The following SH3RF1 variants were observed in gnomAD, a reference collection of about 807,000 sequenced individuals.
SH3RF1 encodes SH3 domain containing ring finger 1.
Under a neutral mutation model 74.0 loss-of-function variants are expected in SH3RF1, and 32 were observed. That is an observed-to-expected ratio of 0.43 (90% CI 0.33 to 0.58). The LOEUF (loss-of-function observed/expected upper bound fraction) is 0.58. Among genes scored for constraint, SH3RF1 ranks in the 20% least tolerant of loss-of-function variants. The pLI is 0.05. For missense variants in SH3RF1, 954 were observed against 1,130.9 expected (o/e 0.84, Z 2.24); for synonymous variants, 396 against 439.6 (o/e 0.90, Z 1.24).
intron 6 of SH3RF1, among the ~76,000 whole-genome samples, chr4:169,123,617 C>A (rs1336169523): frequency 6.6e-6 from 1 of 152,136 alleles, no homozygotes; most frequent in Non-Finnish European, 1.5e-5. Context: ...AGCTCGCAGG[C>A]GCAGTGGCTC....
rs1047796553 is a variant in SH3RF1 at position 169,115,388 on chromosome 4, G to A, written c.2139+881C>T. 3.3e-5 allele frequency among the ~76,000 whole-genome samples: 5 copies of A among 152,172 alleles called. No individual in the cohort carries two copies. The South Asian group carries it at 6.2e-4, about 19-fold the overall frequency. On this transcript the variant is annotated intron_variant, in intron 10 of 11. Coordinates refer to ENST00000284637, the MANE Select transcript of SH3RF1 (RefSeq NM_020870.4). Reference sequence around the variant, plus strand: ...CCCCATCACTTGCATTACTGCCTGAGCTCCGCCTCCTGTCAGATCAGCAGG... The same window carrying A: ...CCCCATCACTTGCATTACTGCCTGAACTCCGCCTCCTGTCAGATCAGCAGG...
chr4:169,253,469 T>C (rs1261731244), intron 2 of SH3RF1, among the ~76,000 whole-genome samples: 2 of 152,256 alleles, frequency 1.3e-5, no homozygotes, highest in East Asian at 3.8e-4. Context: ...CACAGCTGGC[T>C]GGCTTATGAT....
chr4:169,214,534 T>C (rs1251996172), intron 2 of SH3RF1, among the ~76,000 whole-genome samples: 1 of 152,254 alleles, frequency 6.6e-6, no homozygotes, highest in African/African-American at 2.4e-5. Flanking sequence ...AACTGACATC[T>C]TGACAATATT....
intron 10 of SH3RF1, among the ~76,000 whole-genome samples, chr4:169,108,168 C>T (rs1733179291): frequency 6.6e-6 from 1 of 152,174 alleles, no homozygotes; most frequent in Non-Finnish European, 1.5e-5. Context: ...ATGTCAACTA[C>T]ATCATTAAGT....
chr4:169,120,891 C>A lies in SH3RF1; in HGVS notation c.1445G>T (p.Trp482Leu), dbSNP rs771276794. 1 of 1,614,206 alleles carries A rather than the reference C, an allele frequency of 6.2e-7. No homozygotes were observed. Among genetic ancestry groups the A allele is most frequent in the Non-Finnish European group, 8.5e-7 (1 of 1,180,032 alleles). ...FLVFERCQDG[W>L]FKGTSMHTSK... is the part of the protein sequence containing the mutation. ...GGTATGCATGGATGTCCCTTTGAAC[C>A]AGCCATCCTGGCAGCGCTCAAACAC... The change falls in exon 8 of 12, where the codon TGG (tryptophan) becomes TTG (leucine). Residue 482 changes from tryptophan (W) to leucine (L), a missense_variant. Physicochemically the swap from Trp to Leu is moderately conservative, Grantham distance 61 (BLOSUM62 -2). Transcript: ENST00000284637.
chr4:169,221,702 A>G (rs1003896272), intron 2 of SH3RF1, among the ~76,000 whole-genome samples: 1 of 152,212 alleles, frequency 6.6e-6, no homozygotes, highest in Non-Finnish European at 1.5e-5. Flanking sequence ...TAATAAAAAA[A>G]AGTTAACTGC....
chr4:169,159,783 T>C (rs1192685777), intron 2 of SH3RF1, among the ~76,000 whole-genome samples: 1 of 152,228 alleles, frequency 6.6e-6, no homozygotes, highest in Non-Finnish European at 1.5e-5. Flanking sequence ...CCCTTTTAGA[T>C]GAATTCACAT....
chr4:169,225,270 G>A (rs1730639797), intron 2 of SH3RF1, among the ~76,000 whole-genome samples: 1 of 152,150 alleles, frequency 6.6e-6, no homozygotes, highest in African/African-American at 2.4e-5. Flanking sequence ...AGACATATTA[G>A]GTTTGAATGC....
intron 4 of SH3RF1, among the ~76,000 whole-genome samples, chr4:169,140,772 T>C (rs2126956388): frequency 1.3e-5 from 2 of 152,268 alleles, no homozygotes; most frequent in Middle Eastern, 3.4e-3. Context: ...AGTTGAATAG[T>C]TACTATTTTA....
chr4:169,255,525 C>T (rs528663173), intron 2 of SH3RF1, among the ~76,000 whole-genome samples: 3 of 150,994 alleles, frequency 2.0e-5, no homozygotes, highest in Non-Finnish European at 4.4e-5. Flanking sequence ...GAAGGGTGGG[C>T]AAGGTTGGGG....
intron 11 of SH3RF1, among the ~76,000 whole-genome samples, chr4:169,106,363 T>G (rs1420946591): frequency 6.6e-5 from 10 of 151,966 alleles, no homozygotes; most frequent in African/African-American, 2.2e-4. Context: ...GAGTATATTT[T>G]CAGTGTGGCC....
chr4:169,145,616 T>C (rs10008995), intron 4 of SH3RF1, among the ~76,000 whole-genome samples: 29,053 of 146,988 alleles, frequency 0.2, 3,013 homozygotes, highest in African/African-American at 0.26. Context: ...ATATATATTA[T>C]ATATAATAAT....
intron 4 of SH3RF1, among the ~76,000 whole-genome samples, chr4:169,139,327 TACAA>T (rs772252757): frequency 1.3e-5 from 2 of 152,190 alleles, no homozygotes; most frequent in Non-Finnish European, 2.9e-5. Context: ...TTAAGGACCT[TACAA>T]ACAGGCATAA....
chr4:169,188,863 TA>T (rs1734653812), intron 2 of SH3RF1, among the ~76,000 whole-genome samples: 8 of 152,250 alleles, frequency 5.3e-5, no homozygotes, highest in Admixed American at 1.3e-4. Context: ...TTCTCTTCTA[TA>T]ATATTTTGGT....
chr4:169,122,392 C>T, intron 6 of SH3RF1, 126 bp from the exon 7 acceptor site: 2 of 1,075,700 alleles, frequency 1.9e-6, no homozygotes, highest in Non-Finnish European at 2.6e-6. Context: ...ATGGAATCCA[C>T]ACAGGGCAGA....
intron 11 of SH3RF1, among the ~76,000 whole-genome samples, chr4:169,098,820 T>C (rs1173261781): frequency 6.6e-6 from 1 of 152,256 alleles, no homozygotes; most frequent in Non-Finnish European, 1.5e-5. Context: ...TTTCCTCATC[T>C]GTAGAATAGG....
intron 11 of SH3RF1, among the ~76,000 whole-genome samples, chr4:169,099,977 C>T (rs992601848): frequency 6.6e-6 from 1 of 152,144 alleles, no homozygotes; most frequent in African/African-American, 2.4e-5. Context: ...GATCTTGAGC[C>T]TTGTGAGGTG....
chr4:169,235,496 A>G (rs1730811842), intron 2 of SH3RF1, among the ~76,000 whole-genome samples: 3 of 152,174 alleles, frequency 2.0e-5, no homozygotes, highest in Admixed American at 2.0e-4. Flanking sequence ...TGAAGCACAG[A>G]ACGGTTAAGT....
rs1177798852 is a variant in SH3RF1 at position 169,107,192 on chromosome 4, C to A, written c.2153G>T (p.Gly718Val). The A allele has an allele frequency of 6.5e-7, 1 of 1,542,730 alleles. No homozygotes were observed. The highest frequency in any genetic ancestry group is 1.2e-5 in the South Asian group (1 of 82,072). ...GGCGCCAGAAAGCAACTTCAACAAACCCTTTTTTTCTTTCTGGAAAAAAAA... is the reference window on the plus strand; with the variant it reads ...GGCGCCAGAAAGCAACTTCAACAAAACCTTTTTTTCTTTCTGGAAAAAAAA... ...PDKDSKKEKK[G>V]LLKLLSGAST... Residue 718 changes from glycine (G) to valine (V), a missense_variant, in exon 11 of 12, where the codon GGT (glycine) becomes GTT (valine). This residue lies in a region of SH3RF1 where 854 missense variants were observed against 962.5 expected (regional missense o/e 0.89). Transcript: ENST00000284637.
Sources: gnomAD v4.1 joint callset for allele counts (sites outside exome capture counted in the v4.1 genomes callset) on GRCh38, gnomAD v4.1.1 for gene constraint, gnomAD v4.1.1 regional missense constraint, MANE v1.5 for transcripts, NCBI Gene and HGNC (gene_info 2026-07-23, HGNC 2026-07-21) for gene names.